TMCO4: variants seen among roughly 807,000 people sequenced by gnomAD.
TMCO4 encodes transmembrane and coiled-coil domain-containing protein 4.
In TMCO4, 58 loss-of-function variants were observed where a neutral mutation model predicts 64.7. That is an observed-to-expected ratio of 0.90 (90% confidence interval 0.73 to 1.12). The LOEUF is 1.12. TMCO4 is among the 50% of genes most tolerant of loss of function. The pLI, the probability that TMCO4 is intolerant of heterozygous loss-of-function variation, is 0.00. For missense variants in TMCO4, 780 were observed against 825.9 expected, an observed-to-expected ratio of 0.94 and a Z score of 0.68; for synonymous variants, 325 against 346.1, an observed-to-expected ratio of 0.94 and a Z score of 0.68.
Position 19,694,525 on chromosome 1 carries a change from T to G in TMCO4, c.1409A>C (p.Tyr470Ser), listed in dbSNP as rs906803569. The G allele has an allele frequency of 5.6e-6, 9 of 1,613,894 alleles. No individual in the cohort carries two copies. Among genetic ancestry groups the G allele is most frequent in the Non-Finnish European group, 6.8e-6 (8 of 1,179,928 alleles). The change falls in exon 15 of 16, where the codon TAC becomes TCC. Residue 470 changes from tyrosine to serine, a missense_variant. Physicochemically the swap from Tyr to Ser is moderately radical, Grantham distance 144. Coordinates refer to ENST00000294543, the MANE Select transcript of TMCO4 (RefSeq NM_181719.7). ...ACGGAGCTGCACCGAGGATGTGCGG[T>G]ACACGAAACTCAGCAGCCAGTCTCC... ...CRGDWLLSFV[Y>S]RTSSVQLRVA... is the part of the protein sequence containing the mutation.
At chr1:19,760,302 C>T (rs2042441606) in intron 6 of TMCO4, among the ~76,000 whole-genome samples, 1 of 152,170 alleles carries the variant, frequency 6.6e-6, no homozygotes, top group African/African-American at 2.4e-5. Flanking sequence ...ATATCAGAGG[C>T]TTGACTATGC....
At chr1:19,752,939 C>T (rs1373479373) in intron 7 of TMCO4, among the ~76,000 whole-genome samples, 1 of 150,990 alleles carries the variant, frequency 6.6e-6, no homozygotes, top group Non-Finnish European at 1.5e-5. Flanking sequence ...TGAGCGGTAT[C>T]TTTCTTTCTT....
rs116630321 is a variant in TMCO4, at chr1:19,788,275, G to A, written c.-100-1158C>T. 2.0e-5 allele frequency among the ~76,000 whole-genome samples: 3 copies of A among 152,256 alleles called. No homozygotes were observed. In the East Asian group the frequency reaches 5.8e-4, roughly 29 times the overall value. ...GAGGAGAAAAATGACTGGAAGAACA[G>A]CCTCCAAAATTATCTCTGAATTGCC... On this transcript the variant is annotated intron_variant, in intron 2 of 15. Coordinates refer to ENST00000294543, the MANE Select transcript of TMCO4 (RefSeq NM_181719.7).
intron 13 of TMCO4, among the ~76,000 whole-genome samples, chr1:19,706,866 A>G (rs2095305740): frequency 6.6e-6 from 1 of 152,242 alleles, no homozygotes; most frequent in African/African-American, 2.4e-5. Context: ...AGTCATAGGC[A>G]TGAGATGTCT....
chr1:19,794,795 A>G (rs1376904647), intron 2 of TMCO4, among the ~76,000 whole-genome samples: 1 of 152,252 alleles, frequency 6.6e-6, no homozygotes. Context: ...ATATACACAC[A>G]GTGGAACATT....
chr1:19,748,690 G>A (rs998775364), intron 7 of TMCO4, among the ~76,000 whole-genome samples: 6 of 151,992 alleles, frequency 3.9e-5, no homozygotes, highest in African/African-American at 1.2e-4. Flanking sequence ...CCAGGCGTGG[G>A]GGCAGGCGCC....
Position 19,740,802 on chromosome 1 carries a change from C to G in TMCO4, c.1017G>C (p.Glu339Asp), listed in dbSNP as rs755347539. The G allele has an allele frequency of 6.2e-7, 1 of 1,613,444 alleles. No individual in the cohort carries two copies. The highest frequency in any genetic ancestry group is 8.5e-7 in the Non-Finnish European group (1 of 1,179,668). Residue 339 changes from glutamate (E) to aspartate (D), a missense_variant, in exon 11 of 16, where the codon GAG (glutamate) becomes GAC (aspartate). By Grantham distance (45) the Glu-to-Asp change is conservative (BLOSUM62 2). Coordinates refer to ENST00000294543, the MANE Select transcript of TMCO4 (RefSeq NM_181719.7). ...LSGLANMVAQEALKYTVLSGI... is the reference protein window; with the variant it reads ...LSGLANMVAQDALKYTVLSGI... ...CAGACAACACTGTGTACTTTAGGGC[C>G]TCCTGGGCCACCATGTTGGCGAGAC...
At chr1:19,793,706 T>C (rs562707675) in intron 2 of TMCO4, among the ~76,000 whole-genome samples, 2 of 152,224 alleles carry the variant, frequency 1.3e-5, no homozygotes, top group South Asian at 4.2e-4. Context: ...CCTCCCACCC[T>C]CGCTTCAGCA....
intron 2 of TMCO4, among the ~76,000 whole-genome samples, chr1:19,795,102 C>G (rs1234467212): frequency 1.3e-5 from 2 of 152,026 alleles, no homozygotes; most frequent in Admixed American, 6.6e-5. Context: ...CTTGACATTA[C>G]TGAACTACAC....
chr1:19,761,801 G>C (rs2042516625), intron 6 of TMCO4, among the ~76,000 whole-genome samples: 1 of 152,210 alleles, frequency 6.6e-6, no homozygotes, highest in Admixed American at 6.5e-5. Flanking sequence ...CAGAGCAGTG[G>C]GCTCCCCTCT....
chr1:19,739,911 A>G lies in TMCO4; in HGVS notation c.1092T>C (p.Asn364=). The G allele has an allele frequency of 1.2e-6, 2 of 1,613,932 alleles. No individual in the cohort carries two copies. Among genetic ancestry groups the G allele is most frequent in the Non-Finnish European group, 1.7e-6 (2 of 1,179,962 alleles). ...TWPASLLSVA[N]VIDNPWGVCL... ...ACACCCCCCAGGGGTTGTCGATGAC[A>G]TTGGCGACACTGAGGAGTGAGGCTG... The change falls in exon 12 of 16, where the codon AAT becomes AAC. Residue 364 remains asparagine (N), a synonymous_variant. Transcript: ENST00000294543.
intron 2 of TMCO4, among the ~76,000 whole-genome samples, chr1:19,796,108 C>T (rs905247744): frequency 3.3e-5 from 5 of 152,196 alleles, no homozygotes; most frequent in Admixed American, 3.3e-4. Context: ...TTTCTGGGGC[C>T]TACTTCCATG....
intron 12 of TMCO4, among the ~76,000 whole-genome samples, chr1:19,737,791 C>T (rs938051821): frequency 1.3e-5 from 2 of 152,268 alleles, no homozygotes; most frequent in Non-Finnish European, 2.9e-5. Flanking sequence ...AGCAACTTCC[C>T]TTGCACTGAT....
chr1:19,693,226 T>TA (rs1339574150), intron 15 of TMCO4, among the ~76,000 whole-genome samples: 1 of 120,304 alleles, frequency 8.3e-6, no homozygotes, highest in Non-Finnish European at 1.6e-5. Flanking sequence ...CTCATGCCTA[T>TA]AATCCCAGCA....
intron 14 of TMCO4, among the ~76,000 whole-genome samples, chr1:19,698,354 T>C (rs1205384467): frequency 6.6e-6 from 1 of 152,186 alleles, no homozygotes; most frequent in Non-Finnish European, 1.5e-5. Flanking sequence ...CCTGAGCTCA[T>C]ATCCTGGGTC....
chr1:19,721,719 A>G (rs1198578307), intron 13 of TMCO4, among the ~76,000 whole-genome samples: 2 of 152,068 alleles, frequency 1.3e-5, no homozygotes, highest in African/African-American at 2.4e-5. Context: ...GGCCCAGGGG[A>G]AAGAGGCTGC....
intron 2 of TMCO4, among the ~76,000 whole-genome samples, chr1:19,797,453 G>A (rs1336659376): frequency 6.6e-6 from 1 of 152,156 alleles, no homozygotes; most frequent in East Asian, 1.9e-4. Flanking sequence ...GGGAGGGGTG[G>A]CATGCCTGGG....
At chr1:19,708,228 GA>G (rs2095312179) in intron 13 of TMCO4, among the ~76,000 whole-genome samples, 1 of 151,500 alleles carries the variant, frequency 6.6e-6, no homozygotes, top group Non-Finnish European at 1.5e-5. Flanking sequence ...AGAGGAAACA[GA>G]AAGTTCAAAG....
At position 19,682,962 on chromosome 1, in the gene TMCO4, C is replaced by A; in HGVS notation, c.*78G>T. 1 of 1,491,804 alleles carries A rather than the reference C, an allele frequency of 6.7e-7. No homozygotes were observed. The highest frequency in any genetic ancestry group is 1.8e-4 in the Middle Eastern group (1 of 5,564). 92.4% of individuals were successfully genotyped at this position (1,491,804 alleles called of 1,614,324 possible). Reference sequence around the variant, plus strand: ...CTGTGGAAATCCTGTACCTCCAGAGCTCCTGGGAGGAACCCGAGGGTATAA... The same window carrying A: ...CTGTGGAAATCCTGTACCTCCAGAGATCCTGGGAGGAACCCGAGGGTATAA... On this transcript the variant is annotated 3_prime_UTR_variant, in exon 16 of 16. Coordinates refer to ENST00000294543, the MANE Select transcript of TMCO4 (RefSeq NM_181719.7).
Sources: gnomAD v4.1 joint callset for allele counts (sites outside exome capture counted in the v4.1 genomes callset) on GRCh38, gnomAD v4.1.1 for gene constraint, MANE v1.5 for transcripts, NCBI Gene and HGNC (gene_info 2026-07-23, HGNC 2026-07-21) for gene names.